Variants in CDH8 observed in about 807,000 individuals in gnomAD.
The protein encoded by CDH8 is cadherin 8.
In CDH8, 17 loss-of-function variants were observed where a neutral mutation model predicts 68.1. The ratio of observed to expected loss-of-function variants is 0.25; its 90% CI spans 0.17 to 0.37. The LOEUF is 0.37. Ranked by LOEUF, CDH8 falls within the 10% of genes least tolerant of loss-of-function variation. The probability of loss-of-function intolerance (pLI) is 1.00; values close to 1 mark genes in which losing one functional copy is unlikely to be tolerated. For missense variants in CDH8, 763 were observed against 999.3 expected (o/e 0.76, Z 3.19); for synonymous variants, 372 against 365.1 (o/e 1.02, Z -0.21).
intron 10 of CDH8, among the ~76,000 whole-genome samples, chr16:61,707,088 T>C (rs563455438): frequency 6.6e-6 from 1 of 152,314 alleles, no homozygotes; most frequent in East Asian, 1.9e-4. Flanking sequence ...TGTTCAATCA[T>C]TGGCCCATCG....
At chr16:61,846,007 A>G (rs1374018903) in intron 4 of CDH8, among the ~76,000 whole-genome samples, 1 of 152,128 alleles carries the variant, frequency 6.6e-6, no homozygotes, top group Non-Finnish European at 1.5e-5. Context: ...AATTACTTTT[A>G]AATTAGAGTT....
At chr16:61,887,458 A>G (rs567930091) in intron 3 of CDH8, among the ~76,000 whole-genome samples, 1 of 152,318 alleles carries the variant, frequency 6.6e-6, no homozygotes, top group East Asian at 1.9e-4. Context: ...AGATGCTGGC[A>G]GACTTAACTT....
intron 2 of CDH8, chr16:61,940,829 C>T (rs926517896): frequency 1.3e-5 from 2 of 152,182 alleles, no homozygotes; most frequent in African/African-American, 2.4e-5. Context: ...CAATACGGAA[C>T]ACCTGGAGAG....
At chr16:61,972,232 TTG>T (rs1303237222) in intron 2 of CDH8, among the ~76,000 whole-genome samples, 1 of 152,198 alleles carries the variant, frequency 6.6e-6, no homozygotes, top group Non-Finnish European at 1.5e-5. Flanking sequence ...TTTGCCATGA[TTG>T]TGAGGCCTCC....
chr16:61,888,140 T>A (rs1009088645), intron 3 of CDH8, among the ~76,000 whole-genome samples: 2 of 152,126 alleles, frequency 1.3e-5, no homozygotes, highest in African/African-American at 4.8e-5. Flanking sequence ...TGCAGCAACA[T>A]CCAGGCTCAC....
At chr16:61,859,768 G>A (rs1046968311) in intron 3 of CDH8, among the ~76,000 whole-genome samples, 2 of 152,154 alleles carry the variant, frequency 1.3e-5, no homozygotes, top group African/African-American at 4.8e-5. Flanking sequence ...CCAAAATTCA[G>A]GTGTTGCTAA....
intron 1 of CDH8, among the ~76,000 whole-genome samples, chr16:62,031,598 T>C (rs945647593): frequency 1.7e-4 from 26 of 152,196 alleles, no homozygotes; most frequent in African/African-American, 5.5e-4. Context: ...TATTCATTTA[T>C]GATACTTTCC....
At chr16:61,744,506 C>A (rs1328751821) in intron 8 of CDH8, among the ~76,000 whole-genome samples, 1 of 151,910 alleles carries the variant, frequency 6.6e-6, no homozygotes, top group Non-Finnish European at 1.5e-5. Flanking sequence ...TGATCTGTGT[C>A]TTGCTTCCTT....
At position 62,016,772 on chromosome 16, in the gene CDH8, G is replaced by C. The variant is rs142443039; in HGVS notation, c.252+4380C>G. 4.6e-5 allele frequency among the ~76,000 whole-genome samples: 7 copies of C among 152,324 alleles called. No homozygotes were observed. The East Asian group carries it at 9.7e-4, about 21-fold the overall frequency. The stretch of plus-strand genomic sequence containing the variant: ...TTGCTTTTCAGAAATCCAGACAAAA[G>C]CTTTCTGCTCCAGTTTGTACCATAA... On this transcript the variant is annotated intron_variant, in intron 2 of 11. Transcript: ENST00000577390.
At chr16:61,787,179 G>A (rs943834508) in intron 8 of CDH8, among the ~76,000 whole-genome samples, 534 of 151,872 alleles carry the variant, frequency 3.5e-3, no homozygotes, top group Non-Finnish European at 5.7e-3. Context: ...GAAAATTTTC[G>A]CAACCTACTC....
intron 2 of CDH8, among the ~76,000 whole-genome samples, chr16:62,018,191 C>G (rs960333800): frequency 1.1e-4 from 17 of 152,160 alleles, no homozygotes; most frequent in Non-Finnish European, 1.5e-4. Context: ...GAGTACATCT[C>G]TGATGCTAAG....
chr16:61,865,984 G>A (rs547256178), intron 3 of CDH8, among the ~76,000 whole-genome samples: 24 of 152,290 alleles, frequency 1.6e-4, no homozygotes, highest in African/African-American at 5.5e-4. Flanking sequence ...TTTGGAGGGT[G>A]AGGCAGGTGG....
In CDH8 at chr16:61,647,863, T is replaced by G; in HGVS notation, c.*5745A>C. The G allele has an allele frequency of 1.4e-6, 1 of 699,546 alleles. No homozygotes were observed. Among genetic ancestry groups the G allele is most frequent in the Non-Finnish European group, 2.6e-6 (1 of 382,756 alleles). 43.3% of individuals were successfully genotyped at this position (699,546 alleles called of 1,614,324 possible). ...CTCTTCAGACAGCATCTTGTGATAT[T>G]CCTCCTAGCAACCCTCTTCTGTAAT... On this transcript the variant is annotated 3_prime_UTR_variant, in exon 12 of 12. Coordinates refer to ENST00000577390, the MANE Select transcript of CDH8 (RefSeq NM_001796.5).
intron 10 of CDH8, chr16:61,667,166 T>C (rs1963695696): frequency 6.6e-6 from 1 of 152,046 alleles, no homozygotes; most frequent in Admixed American, 6.6e-5. Flanking sequence ...TTCCATTTTC[T>C]CATTAGATTT....
chr16:61,788,385 T>C (rs1432247800), intron 8 of CDH8, among the ~76,000 whole-genome samples: 1 of 152,100 alleles, frequency 6.6e-6, no homozygotes, highest in Non-Finnish European at 1.5e-5. Context: ...CATGAATCTT[T>C]CTTAACATTG....
rs1322332286 is a variant in CDH8, at chr16:62,036,168, C to G, written c.-288G>C. 6.6e-6 allele frequency: 1 copy of G among 152,274 alleles called. No homozygotes were observed. Among genetic ancestry groups the G allele is most frequent in the Non-Finnish European group, 1.5e-5 (1 of 68,118 alleles). The allele number at this position is 152,274 out of a possible 1,614,324, so 9.4% of individuals were successfully genotyped here. On this transcript the variant is annotated 5_prime_UTR_variant, in exon 1 of 12. Transcript: ENST00000577390. The stretch of plus-strand genomic sequence containing the variant: ...GGGGTTAGCTCCCGAGGGCGGCAAG[C>G]GCCGACCGGTCCTCGCTCGCTAGGC...
chr16:61,874,461 A>G (rs1047468652), intron 3 of CDH8, among the ~76,000 whole-genome samples: 5 of 151,872 alleles, frequency 3.3e-5, no homozygotes, highest in African/African-American at 1.2e-4. Context: ...CCTCCCGAGT[A>G]GCTGGGACTA....
chr16:61,830,742 G>A (rs1284819214), intron 4 of CDH8, among the ~76,000 whole-genome samples: 1 of 151,744 alleles, frequency 6.6e-6, no homozygotes. Context: ...TTTAGGAGAA[G>A]CCATGTGACA....
At chr16:62,033,800 G>T (rs1316085784) in intron 1 of CDH8, among the ~76,000 whole-genome samples, 1 of 151,794 alleles carries the variant, frequency 6.6e-6, no homozygotes, top group Non-Finnish European at 1.5e-5. Context: ...CCCCGGAGTT[G>T]CTGGAAAGAC....
Sources: gnomAD v4.1 joint callset for allele counts (sites outside exome capture counted in the v4.1 genomes callset) on GRCh38, gnomAD v4.1.1 for gene constraint, MANE v1.5 for transcripts, NCBI Gene and HGNC (gene_info 2026-07-23, HGNC 2026-07-21) for gene names.